The following ABAT variants were observed in gnomAD, a reference collection of about 807,000 sequenced individuals.
The protein encoded by ABAT is 4-aminobutyrate aminotransferase, mitochondrial.
ABAT carries 45 observed loss-of-function variants against 64.6 expected under a neutral mutation model. That is an observed-to-expected ratio of 0.70 (90% CI 0.55 to 0.89). The LOEUF is 0.89. Ranked by LOEUF, ABAT falls within the 40% of genes least tolerant of loss-of-function variation. The pLI, the probability that ABAT is intolerant of heterozygous loss-of-function variation, is 0.00. For synonymous variants in ABAT, 297 were observed against 250.5 expected, an observed-to-expected ratio of 1.19 and a Z score of -1.75; for missense variants, 633 against 658.4, an observed-to-expected ratio of 0.96 and a Z score of 0.42.
chr16:8,756,922 G>T (rs1022453697), intron 5 of ABAT, among the ~76,000 whole-genome samples: 1 of 152,206 alleles, frequency 6.6e-6, no homozygotes, highest in Non-Finnish European at 1.5e-5. Flanking sequence ...GCCCAGTCTG[G>T]ATGGTAAATG....
At chr16:8,710,727 A>AGAGGGTGAGGGAGG (rs1555485684) in intron 1 of ABAT, among the ~76,000 whole-genome samples, 1 of 103,700 alleles carries the variant, frequency 9.6e-6, no homozygotes, top group Admixed American at 1.1e-4. Context: ...AGAGAGAGAG[A>AGAGGGTGAGGGAGG]GAGGAAATAG....
At chr16:8,760,504 CA>C (rs778462551) in intron 6 of ABAT, 3 of 152,182 alleles carry the variant, frequency 2.0e-5, no homozygotes, top group Non-Finnish European at 4.4e-5. Flanking sequence ...TGGGAGGGGC[CA>C]GGGGACACTC....
chr16:8,748,276 T>A, intron 4 of ABAT, 139 bp downstream of exon 4: 1 of 714,824 alleles, frequency 1.4e-6, no homozygotes, highest in Non-Finnish European at 2.3e-6. Context: ...CTCATTTCCT[T>A]TGTGATTTCT....
At chr16:8,721,609 C>T (rs41427146) in intron 1 of ABAT, among the ~76,000 whole-genome samples, 11,224 of 152,156 alleles carry the variant, frequency 0.074, 865 homozygotes, top group East Asian at 0.4. Flanking sequence ...TGCAGATTAC[C>T]GAAAGGATCT....
intron 1 of ABAT, among the ~76,000 whole-genome samples, chr16:8,707,109 T>C (rs1036033425): frequency 2.6e-5 from 4 of 152,136 alleles, no homozygotes; most frequent in Non-Finnish European, 5.9e-5. Context: ...AGTGACAGGC[T>C]AGGGGAGTGG....
intron 15 of ABAT, among the ~76,000 whole-genome samples, 169 bp downstream of exon 15, chr16:8,779,759 G>T (rs554391478): frequency 6.6e-6 from 1 of 152,278 alleles, no homozygotes; most frequent in East Asian, 1.9e-4. Context: ...TTACAAATGG[G>T]ATTTCTTTAT....
At chr16:8,754,666 ATTTATTTCTTTCTTTCTTTCTTTCTTTC>A in intron 5 of ABAT, among the ~76,000 whole-genome samples, 1 of 11,652 alleles carries the variant, frequency 8.6e-5, no homozygotes, top group East Asian at 0.05. Context: ...AAGTTGATTT[ATTTATTTCTTTCTTTCTTTCTTTCTTTC>A]TTTCTTTCTT....
chr16:8,707,532 C>T (rs1429989392), intron 1 of ABAT, among the ~76,000 whole-genome samples: 1 of 151,850 alleles, frequency 6.6e-6, no homozygotes, highest in Non-Finnish European at 1.5e-5. Context: ...CCTTTTCTTC[C>T]TCCTTTCCCT....
At chr16:8,734,017 A>C (rs141234769) in intron 1 of ABAT, among the ~76,000 whole-genome samples, 44 of 151,970 alleles carry the variant, frequency 2.9e-4, no homozygotes, top group African/African-American at 1.1e-3. Flanking sequence ...GATACAGCAT[A>C]TTTTTTCCCA....
chr16:8,703,498 A>C (rs2057872604), intron 1 of ABAT, among the ~76,000 whole-genome samples: 1 of 152,152 alleles, frequency 6.6e-6, no homozygotes, highest in Non-Finnish European at 1.5e-5. Context: ...TTAAAAAGCA[A>C]GATAATTTCA....
chr16:8,711,790 G>A (rs1164247568), intron 1 of ABAT, among the ~76,000 whole-genome samples: 1 of 142,310 alleles, frequency 7.0e-6, no homozygotes, highest in African/African-American at 2.9e-5. Context: ...ATGGGAAGAT[G>A]GATGGATGGA....
chr16:8,722,572 A>G (rs1485699580), intron 1 of ABAT, among the ~76,000 whole-genome samples: 1 of 152,198 alleles, frequency 6.6e-6, no homozygotes, highest in Non-Finnish European at 1.5e-5. Context: ...GAAGGGTAGT[A>G]TGCCAAGAAC....
intron 1 of ABAT, among the ~76,000 whole-genome samples, chr16:8,698,418 C>A (rs1239282858): frequency 1.3e-5 from 2 of 152,076 alleles, no homozygotes; most frequent in East Asian, 1.9e-4. Context: ...ACCACAACCT[C>A]CGCCTCCTGG....
chr16:8,758,283 C>T (rs2059700190), intron 6 of ABAT, among the ~76,000 whole-genome samples: 1 of 152,158 alleles, frequency 6.6e-6, no homozygotes, highest in Admixed American at 6.5e-5. Context: ...TGAGAATAAA[C>T]CCACAGGAGC....
At chr16:8,746,738 C>T (rs1306573417) in intron 3 of ABAT, among the ~76,000 whole-genome samples, 2 of 151,766 alleles carry the variant, frequency 1.3e-5, no homozygotes, top group African/African-American at 2.4e-5. Context: ...AAGAAGCCAA[C>T]GAGGGCATCA....
intron 1 of ABAT, among the ~76,000 whole-genome samples, chr16:8,728,309 C>T (rs1284276651): frequency 1.3e-5 from 2 of 152,112 alleles, no homozygotes; most frequent in African/African-American, 4.8e-5. Flanking sequence ...GTATATTTTC[C>T]AATGTGACAT....
chr16:8,765,908 G>A, intron 8 of ABAT: 1 of 379,616 alleles, frequency 2.6e-6, no homozygotes, highest in Non-Finnish European at 5.1e-6. Flanking sequence ...ACAGATTTGA[G>A]CCCGCACATC....
At position 8,745,987 on chromosome 16, in the gene ABAT, T is replaced by C; in HGVS notation, c.71-14T>C. ...CTGTCACCAGGGATTTCTCATTGTC[T>C]TTGTTTACTGCAGGATCCAGACACA... On this transcript the variant is annotated splice_polypyrimidine_tract_variant and intron_variant, in intron 2 of 15. Coordinates refer to ENST00000268251, the MANE Select transcript of ABAT (RefSeq NM_020686.6). The C allele has an allele frequency of 6.2e-7, 1 of 1,612,284 alleles. No individual in the cohort carries two copies.
chr16:8,682,095 C>G (rs538994009), intron 1 of ABAT, among the ~76,000 whole-genome samples: 1 of 151,846 alleles, frequency 6.6e-6, no homozygotes, highest in Non-Finnish European at 1.5e-5. Flanking sequence ...CCCTGGGGAA[C>G]AAGATTGCCC....
Sources: allele counts gnomAD v4.1 joint callset (sites outside exome capture counted in the v4.1 genomes callset), GRCh38; gene constraint gnomAD v4.1.1; transcripts MANE v1.5; gene names NCBI Gene and HGNC (gene_info 2026-07-23, HGNC 2026-07-21).